Variants in UBASH3B observed in about 807,000 individuals in gnomAD.
The protein encoded by UBASH3B is ubiquitin-associated and SH3 domain-containing protein B.
UBASH3B carries 37 observed loss-of-function variants against 83.4 expected under a neutral mutation model. The observed-to-expected ratio is 0.44, with a 90% CI of 0.34 to 0.58. UBASH3B has a LOEUF of 0.58. Ranked by LOEUF, UBASH3B falls within the 20% of genes least tolerant of loss-of-function variation. The probability of loss-of-function intolerance (pLI) is 0.01; values close to 1 mark genes in which losing one functional copy is unlikely to be tolerated. For synonymous variants in UBASH3B, 304 were observed against 318.3 expected, an observed-to-expected ratio of 0.96 and a Z score of 0.48; for missense variants, 657 against 827.2, an observed-to-expected ratio of 0.79 and a Z score of 2.52.
At chr11:122,725,328 CAAAAA>C (rs527272428) in intron 1 of UBASH3B, among the ~76,000 whole-genome samples, 26 of 87,976 alleles carry the variant, frequency 3.0e-4, no homozygotes, top group Non-Finnish European at 5.2e-4. Flanking sequence ...GCACCATAAA[CAAAAA>C]AAAAAAAAAA....
intron 1 of UBASH3B, among the ~76,000 whole-genome samples, chr11:122,730,276 A>G (rs1860820066): frequency 6.6e-6 from 1 of 152,194 alleles, no homozygotes; most frequent in Admixed American, 6.5e-5. Flanking sequence ...TTCCACAGAC[A>G]TGACAGGGTG....
chr11:122,776,915 C>A, intron 2 of UBASH3B, 109 bp from the exon 3 acceptor site: 1 of 1,046,410 alleles, frequency 9.6e-7, no homozygotes, highest in Non-Finnish European at 1.4e-6. Context: ...CCCTTCCCCG[C>A]GCTGTGCCGG....
In UBASH3B at chr11:122,794,697, T is replaced by C; in HGVS notation, c.981-5T>C. The C allele has an allele frequency of 4.3e-6, 7 of 1,614,104 alleles. No individual in the cohort carries two copies. Among genetic ancestry groups the C allele is most frequent in the Non-Finnish European group, 5.9e-6 (7 of 1,179,988 alleles). ...AGTTAACACCTTCCTTATCTTCCTC[T>C]GCAGTTCTTATTCAATCTTAAATAC... is the stretch of plus-strand genomic sequence containing the variant. On this transcript the variant is annotated splice_polypyrimidine_tract_variant and splice_region_variant and intron_variant, in intron 6 of 13. Transcript: ENST00000284273.
At position 122,758,999 on chromosome 11, in the gene UBASH3B, A is replaced by G. The variant is rs192991175; in HGVS notation, c.162-17220A>G. On this transcript the variant is annotated intron_variant, in intron 1 of 13. Coordinates refer to ENST00000284273, the MANE Select transcript of UBASH3B (RefSeq NM_032873.5). The surrounding 1 kb of genome is among the most constrained non-coding windows in gnomAD (Gnocchi z 4.2). The stretch of plus-strand genomic sequence containing the variant: ...CTAACTTTAGTGGCTTAAAACACAC[A>G]TTTTCCCAGTTTCTGTAGGTCAGGA... Among the ~76,000 whole-genome samples the G allele has an allele frequency of 3.9e-5, 6 of 152,210 alleles. No homozygotes were observed. In the East Asian group the frequency reaches 1.2e-3, roughly 29 times the overall value.
chr11:122,665,878 C>T (rs1445178475), intron 1 of UBASH3B, among the ~76,000 whole-genome samples: 5 of 152,182 alleles, frequency 3.3e-5, no homozygotes, highest in South Asian at 2.1e-4. Flanking sequence ...CTCAGGGGCA[C>T]CTTTTAAATT....
At chr11:122,712,892 G>A (rs1327419892) in intron 1 of UBASH3B, among the ~76,000 whole-genome samples, 1 of 135,594 alleles carries the variant, frequency 7.4e-6, no homozygotes, top group African/African-American at 2.8e-5. Flanking sequence ...TTCTTCTCTG[G>A]GTGGTTTTTT....
chr11:122,727,262 C>T (rs1368886407), intron 1 of UBASH3B, among the ~76,000 whole-genome samples: 2 of 152,180 alleles, frequency 1.3e-5, no homozygotes, highest in Non-Finnish European at 2.9e-5. Context: ...TGCTGAGCCA[C>T]ACAGAAGCTT....
chr11:122,684,430 A>T lies in UBASH3B; in HGVS notation c.161+28220A>T, dbSNP rs138939513. ...AAATGCTGTGTGTACTTATTCACAG[A>T]TAGCAAGAGCTGCAGAGAAGAGTGT... On this transcript the variant is annotated intron_variant, in intron 1 of 13. Coordinates refer to ENST00000284273, the MANE Select transcript of UBASH3B (RefSeq NM_032873.5). Among the ~76,000 whole-genome samples the T allele has an allele frequency of 2.6e-5, 4 of 152,350 alleles. No individual in the cohort carries two copies. The East Asian group carries it at 7.7e-4, about 29-fold the overall frequency.
intron 1 of UBASH3B, among the ~76,000 whole-genome samples, chr11:122,753,399 C>T (rs1370143942): frequency 6.6e-6 from 1 of 151,208 alleles, no homozygotes; most frequent in African/African-American, 2.4e-5. Context: ...TGCAGTGAGC[C>T]GAGATTGTGC....
chr11:122,681,309 A>G (rs1182633474), intron 1 of UBASH3B, among the ~76,000 whole-genome samples: 1 of 152,176 alleles, frequency 6.6e-6, no homozygotes, highest in Admixed American at 6.5e-5. Flanking sequence ...ATTTCTACAT[A>G]CATAGCCCCA....
At chr11:122,749,788 A>G (rs1038583318) in intron 1 of UBASH3B, among the ~76,000 whole-genome samples, 5 of 152,222 alleles carry the variant, frequency 3.3e-5, no homozygotes, top group African/African-American at 1.2e-4. Context: ...GCTGCAATGC[A>G]GTGGCGCTTT....
chr11:122,690,305 CATATAT>C (rs35794002), intron 1 of UBASH3B, among the ~76,000 whole-genome samples: 1 of 129,112 alleles, frequency 7.7e-6, no homozygotes, highest in Non-Finnish European at 1.6e-5. Flanking sequence ...TCCAATTATA[CATATAT>C]ATATATATAT....
chr11:122,675,800 G>A (rs186854243), intron 1 of UBASH3B, among the ~76,000 whole-genome samples: 1 of 152,308 alleles, frequency 6.6e-6, no homozygotes, highest in Admixed American at 6.5e-5. Flanking sequence ...TGAAGGCAGA[G>A]CCCATTTTCC....
intron 1 of UBASH3B, among the ~76,000 whole-genome samples, chr11:122,725,342 A>AAAAGAGAG (rs71281633): frequency 2.3e-5 from 3 of 130,780 alleles, no homozygotes; most frequent in Non-Finnish European, 4.9e-5. Flanking sequence ...AAAAAAAAAA[A>AAAAGAGAG]AAGAAAAGAA....
At chr11:122,688,630 A>ATTTTC (rs1405163491) in intron 1 of UBASH3B, among the ~76,000 whole-genome samples, 5 of 83,216 alleles carry the variant, frequency 6.0e-5, no homozygotes, top group Non-Finnish European at 1.6e-4. Context: ...TCTTTCTTTT[A>ATTTTC]TTTTATTTTA....
chr11:122,779,723 T>C, intron 4 of UBASH3B, 28 bp downstream of exon 4: 1 of 1,613,212 alleles, frequency 6.2e-7, no homozygotes, highest in Non-Finnish European at 8.5e-7. Flanking sequence ...AGGCCAGCCC[T>C]GGGCCCTGTC....
At chr11:122,744,764 C>T (rs1861084551) in intron 1 of UBASH3B, among the ~76,000 whole-genome samples, 2 of 151,630 alleles carry the variant, frequency 1.3e-5, no homozygotes, top group Admixed American at 1.3e-4. Flanking sequence ...TGTGAGTGAT[C>T]ACATGTGTGC....
At chr11:122,719,894 C>CT (rs1860593124) in intron 1 of UBASH3B, among the ~76,000 whole-genome samples, 1 of 152,200 alleles carries the variant, frequency 6.6e-6, no homozygotes, top group African/African-American at 2.4e-5. Flanking sequence ...TCGATGCTTC[C>CT]TTAAAGACCC....
chr11:122,740,401 T>C (rs1024668993), intron 1 of UBASH3B, among the ~76,000 whole-genome samples: 4 of 152,214 alleles, frequency 2.6e-5, no homozygotes, highest in East Asian at 1.9e-4. Flanking sequence ...TGAAAGAGAA[T>C]GGCTGGCTCT....
Sources: gnomAD v4.1 joint callset for allele counts (sites outside exome capture counted in the v4.1 genomes callset) on GRCh38, gnomAD v4.1.1 for gene constraint, Gnocchi (gnomAD v3.1) non-coding constraint, MANE v1.5 for transcripts, NCBI Gene and HGNC (gene_info 2026-07-23, HGNC 2026-07-21) for gene names.